The following NPAS3 variants were observed in gnomAD, a reference collection of about 807,000 sequenced individuals.
The protein encoded by NPAS3 is neuronal PAS domain protein 3.
NPAS3 carries 14 observed loss-of-function variants against 73.1 expected under a neutral mutation model. The observed-to-expected ratio is 0.19, with a 90% CI of 0.13 to 0.30. NPAS3 has a LOEUF of 0.30. NPAS3 is among the 10% of genes least tolerant of loss of function. The probability of loss-of-function intolerance (pLI) is 1.00; values close to 1 mark genes in which losing one functional copy is unlikely to be tolerated. For missense variants in NPAS3, 1,096 were observed against 1,250.0 expected, an observed-to-expected ratio of 0.88 and a Z score of 1.86; for synonymous variants, 620 against 541.5, an observed-to-expected ratio of 1.14 and a Z score of -2.01.
chr14:33,694,014 T>C (rs982936244), intron 6 of NPAS3, among the ~76,000 whole-genome samples: 22 of 152,186 alleles, frequency 1.4e-4, no homozygotes, highest in Non-Finnish European at 4.4e-5. Flanking sequence ...CTGTTTTTTT[T>C]CAAGGACATT....
intron 3 of NPAS3, among the ~76,000 whole-genome samples, chr14:33,291,478 G>A (rs770968850): frequency 4.6e-5 from 7 of 152,168 alleles, no homozygotes; most frequent in Admixed American, 6.5e-5. Flanking sequence ...TTTTATCATT[G>A]TGGCCTGGAT....
At chr14:33,378,438 C>G (rs2046396835) in intron 4 of NPAS3, among the ~76,000 whole-genome samples, 1 of 152,106 alleles carries the variant, frequency 6.6e-6, no homozygotes, top group African/African-American at 2.4e-5. Context: ...GAGTTCAAGA[C>G]CAGCCTGACC....
intron 2 of NPAS3, among the ~76,000 whole-genome samples, chr14:33,074,717 A>G (rs1350275509): frequency 2.0e-5 from 3 of 152,170 alleles, no homozygotes; most frequent in African/African-American, 7.2e-5. Flanking sequence ...CGCTCGGCCA[A>G]CACTTTCTTT....
intron 7 of NPAS3, among the ~76,000 whole-genome samples, chr14:33,773,519 G>A (rs1364624445): frequency 1.3e-5 from 2 of 152,192 alleles, no homozygotes; most frequent in Admixed American, 6.5e-5. Context: ...ATCATTTGAG[G>A]AAGTTGTCGC....
intron 2 of NPAS3, among the ~76,000 whole-genome samples, chr14:33,169,639 A>AT (rs1253154845): frequency 6.6e-6 from 1 of 152,236 alleles, no homozygotes; most frequent in Non-Finnish European, 1.5e-5. Context: ...AATGCATTTC[A>AT]TTTTTGTTAG....
intron 7 of NPAS3, among the ~76,000 whole-genome samples, chr14:33,738,574 C>T (rs2061580602): frequency 6.6e-6 from 1 of 152,144 alleles, no homozygotes. Context: ...CAAGGAAATA[C>T]CAACCTGCAT....
chr14:33,226,660 A>G (rs1258024488), intron 3 of NPAS3, among the ~76,000 whole-genome samples: 1 of 152,214 alleles, frequency 6.6e-6, no homozygotes, highest in East Asian at 1.9e-4. Context: ...GCTGTTGCCC[A>G]TTGGGAGCAG....
chr14:33,522,653 G>A (rs2053608350), intron 4 of NPAS3, among the ~76,000 whole-genome samples: 1 of 151,930 alleles, frequency 6.6e-6, no homozygotes, highest in South Asian at 2.1e-4. Flanking sequence ...ATTTAAGACT[G>A]TGTTAATTGT....
chr14:32,978,324 C>G (rs1474009299), intron 1 of NPAS3, among the ~76,000 whole-genome samples: 1 of 152,164 alleles, frequency 6.6e-6, no homozygotes, highest in African/African-American at 2.4e-5. Context: ...ACAGCCTACC[C>G]TACCCCAAAG....
chr14:32,939,150 G>A (rs2035848686), upstream of NPAS3: 3 of 137,908 alleles, frequency 2.2e-5, no homozygotes, highest in Non-Finnish European at 4.4e-5. Flanking sequence ...CCACGGCCAC[G>A]GCCACGGCCC....
At chr14:33,119,038 AT>A (rs972528208) in intron 2 of NPAS3, among the ~76,000 whole-genome samples, 8 of 151,662 alleles carry the variant, frequency 5.3e-5, no homozygotes, top group Admixed American at 3.3e-4. Context: ...CAAAAAGAAC[AT>A]TTTTTTTCCA....
At chr14:33,773,333 A>G (rs2062711870) in intron 7 of NPAS3, among the ~76,000 whole-genome samples, 1 of 152,182 alleles carries the variant, frequency 6.6e-6, no homozygotes, top group South Asian at 2.1e-4. Flanking sequence ...AGTTACCTCT[A>G]TGACTTGGCT....
chr14:33,205,223 T>G (rs973812119), intron 2 of NPAS3, among the ~76,000 whole-genome samples: 11 of 152,192 alleles, frequency 7.2e-5, no homozygotes, highest in African/African-American at 1.7e-4. Context: ...CAACACATGC[T>G]GCTTTATAAA....
chr14:33,496,014 G>A (rs1417823498), intron 4 of NPAS3, among the ~76,000 whole-genome samples: 3 of 151,964 alleles, frequency 2.0e-5, no homozygotes, highest in Non-Finnish European at 2.9e-5. Flanking sequence ...AAATGATAAC[G>A]GGGAATATCA....
At chr14:33,400,914 A>C (rs2047417748) in intron 4 of NPAS3, among the ~76,000 whole-genome samples, 1 of 120,488 alleles carries the variant, frequency 8.3e-6, no homozygotes, top group Non-Finnish European at 1.7e-5. Context: ...TTAGAAACCA[A>C]CTTACATACT....
intron 4 of NPAS3, among the ~76,000 whole-genome samples, chr14:33,447,622 G>C (rs899468507): frequency 6.6e-6 from 1 of 152,102 alleles, no homozygotes; most frequent in African/African-American, 2.4e-5. Context: ...GCAGGGGTGA[G>C]AACAGAATTG....
At chr14:33,048,957 C>T (rs2040608676) in intron 1 of NPAS3, among the ~76,000 whole-genome samples, 1 of 152,188 alleles carries the variant, frequency 6.6e-6, no homozygotes, top group African/African-American at 2.4e-5. Context: ...ATTTCAGCTC[C>T]TTTCAAGACA....
intron 6 of NPAS3, among the ~76,000 whole-genome samples, chr14:33,699,399 G>A (rs1215301763): frequency 1.3e-5 from 2 of 152,034 alleles, no homozygotes; most frequent in East Asian, 1.9e-4. Context: ...TTCTGAAACC[G>A]AAGCGCACTC....
chr14:33,253,523 CTA>C (rs910628428), intron 3 of NPAS3, among the ~76,000 whole-genome samples: 2 of 152,038 alleles, frequency 1.3e-5, no homozygotes, highest in African/African-American at 4.8e-5. Flanking sequence ...GTTCCATTTC[CTA>C]TGATTGCCCA....
Sources: allele counts gnomAD v4.1 joint callset (sites outside exome capture counted in the v4.1 genomes callset), GRCh38; gene constraint gnomAD v4.1.1; transcripts MANE v1.5; gene names NCBI Gene and HGNC (gene_info 2026-07-23, HGNC 2026-07-21).